Variants in KLHL7 observed in about 807,000 individuals in gnomAD.
KLHL7 encodes kelch-like protein 7.
Under a neutral mutation model 67.4 loss-of-function variants are expected in KLHL7, and 44 were observed. The ratio of observed to expected loss-of-function variants is 0.65; its 90% confidence interval spans 0.51 to 0.84. The LOEUF is 0.84. Ranked by LOEUF, KLHL7 falls within the 40% of genes least tolerant of loss-of-function variation. KLHL7 has a pLI of 0.00. For missense variants in KLHL7, 362 were observed against 718.1 expected (o/e 0.50, Z 5.67); for synonymous variants, 252 against 243.3 (o/e 1.04, Z -0.33).
intron 7 of KLHL7, among the ~76,000 whole-genome samples, chr7:23,159,732 T>C (rs1321305672): frequency 1.3e-5 from 2 of 152,208 alleles, no homozygotes; most frequent in Non-Finnish European, 2.9e-5. Flanking sequence ...GGTTTTACCA[T>C]GTTGCCCAGT....
At chr7:23,164,317 A>T (rs1007345555) in intron 7 of KLHL7, among the ~76,000 whole-genome samples, 2 of 152,216 alleles carry the variant, frequency 1.3e-5, no homozygotes, top group Non-Finnish European at 2.9e-5. Flanking sequence ...TGAAATTGTA[A>T]TTCTCTGCTA....
chr7:23,125,263 G>A (rs754441770), intron 4 of KLHL7, 91 bp downstream of exon 4: 177 of 1,327,084 alleles, frequency 1.3e-4, no homozygotes, highest in Non-Finnish European at 1.8e-4. Context: ...TTAAGTATCC[G>A]CATTTAACCT....
intron 5 of KLHL7, among the ~76,000 whole-genome samples, chr7:23,142,815 T>C (rs975882787): frequency 6.6e-6 from 1 of 152,072 alleles, no homozygotes; most frequent in Non-Finnish European, 1.5e-5. Flanking sequence ...GATTCTAAGG[T>C]TTAATGACTA....
At chr7:23,126,776 A>C (rs1406230771) in intron 4 of KLHL7, among the ~76,000 whole-genome samples, 1 of 152,224 alleles carries the variant, frequency 6.6e-6, no homozygotes, top group African/African-American at 2.4e-5. Context: ...AGGTGAAGGG[A>C]ATAAAAATGA....
At position 23,174,751 on chromosome 7, in the gene KLHL7, C is replaced by A. The variant is rs1477419908; in HGVS notation, c.*453C>A. 1 of 454,688 alleles carries A rather than the reference C, an allele frequency of 2.2e-6. No homozygotes were observed. The highest frequency in any genetic ancestry group is 2.0e-5 in the African/African-American group (1 of 50,006). 28.2% of individuals were successfully genotyped at this position (454,688 alleles called of 1,614,324 possible). A position where few individuals can be genotyped will look rare whatever the true frequency, so the allele number is the denominator to read the frequency against. On this transcript the variant is annotated 3_prime_UTR_variant, in exon 11 of 11. Coordinates refer to ENST00000339077, the MANE Select transcript of KLHL7 (RefSeq NM_001031710.3). ...GTCAAGATGGGCAACTCAGATGGAGCAGCTTAGTCTCACAGTTTGCTTGTC... is the reference window on the plus strand; with the variant it reads ...GTCAAGATGGGCAACTCAGATGGAGAAGCTTAGTCTCACAGTTTGCTTGTC...
At chr7:23,170,770 G>C (rs858265) in intron 9 of KLHL7, among the ~76,000 whole-genome samples, 7,581 of 152,160 alleles carry the variant, frequency 0.05, 233 homozygotes, top group South Asian at 0.083. Flanking sequence ...CATGTATTAT[G>C]TATCACATTT....
At chr7:23,139,554 A>C (rs1345349532) in intron 4 of KLHL7, among the ~76,000 whole-genome samples, 1 of 152,280 alleles carries the variant, frequency 6.6e-6, no homozygotes. Context: ...GGCATTGGTT[A>C]GTAAATTTTA....
intron 7 of KLHL7, among the ~76,000 whole-genome samples, chr7:23,155,839 A>G (rs901538502): frequency 2.6e-5 from 4 of 152,300 alleles, no homozygotes; most frequent in Non-Finnish European, 4.4e-5. Flanking sequence ...GTAGATGGCT[A>G]TTTTGATGTA....
intron 6 of KLHL7, among the ~76,000 whole-genome samples, chr7:23,151,744 C>G (rs1784543711): frequency 6.6e-6 from 1 of 152,126 alleles, no homozygotes; most frequent in Non-Finnish European, 1.5e-5. Flanking sequence ...TCAAGAACCA[C>G]TGGGTTAGGA....
intron 1 of KLHL7, among the ~76,000 whole-genome samples, chr7:23,112,690 T>C (rs11769544): frequency 6.0e-4 from 92 of 152,328 alleles, no homozygotes; most frequent in Non-Finnish European, 9.8e-4. Flanking sequence ...AAAATACTTA[T>C]AGTAGGACAT....
chr7:23,140,864 G>C lies in KLHL7; in HGVS notation c.538G>C (p.Asp180His). 1 of 1,614,036 alleles carries C rather than the reference G, an allele frequency of 6.2e-7. No individual in the cohort carries two copies. The highest frequency in any genetic ancestry group is 8.5e-7 in the Non-Finnish European group (1 of 1,179,964). ...GCACTTTACTGAAGTTTACAAAACTGATGAATTTCTTCAACTTGATGTCAA... is the reference window on the plus strand; with the variant it reads ...GCACTTTACTGAAGTTTACAAAACTCATGAATTTCTTCAACTTGATGTCAA... Reference protein sequence around the residue: ...HQHFTEVYKTDEFLQLDVKRV... With the variant: ...HQHFTEVYKTHEFLQLDVKRV... The change falls in exon 5 of 11, where the codon GAT becomes CAT. Residue 180 changes from aspartate (D) to histidine (H), a missense_variant. Around this residue, in one of 5 missense-constraint regions of KLHL7, gnomAD observed 155 missense variants for 280.8 expected, o/e 0.55. Transcript: ENST00000339077.
chr7:23,124,452 T>C (rs1264846824), intron 2 of KLHL7, among the ~76,000 whole-genome samples: 2 of 152,192 alleles, frequency 1.3e-5, no homozygotes, highest in East Asian at 1.9e-4. Flanking sequence ...TCTGTTAATA[T>C]GGTCTTAAAA....
At chr7:23,138,461 T>TAAA (rs60497553) in intron 4 of KLHL7, among the ~76,000 whole-genome samples, 11 of 63,092 alleles carry the variant, frequency 1.7e-4, no homozygotes, top group East Asian at 4.5e-4. Context: ...GACTCCATCT[T>TAAA]AAAAAAAAAA....
intron 8 of KLHL7, among the ~76,000 whole-genome samples, chr7:23,167,515 A>C (rs1488771912): frequency 6.6e-6 from 1 of 152,204 alleles, no homozygotes; most frequent in East Asian, 1.9e-4. Flanking sequence ...AATTCCCGTC[A>C]TGCATAATGG....
chr7:23,123,925 T>A lies in KLHL7; in HGVS notation c.223+46T>A, dbSNP rs779637471. The A allele has an allele frequency of 4.7e-6, 6 of 1,284,568 alleles. No homozygotes were observed. The Admixed American group carries it at 5.1e-5, about 11-fold the overall frequency. 79.6% of individuals were successfully genotyped at this position (1,284,568 alleles called of 1,614,324 possible). The stretch of plus-strand genomic sequence containing the variant: ...CATGCCATTATTTCTTCTATGAGAA[T>A]GAAGTAAAATCTAAAAGAGAATATG... On this transcript the variant is annotated intron_variant, in intron 2 of 10. Coordinates refer to ENST00000339077, the MANE Select transcript of KLHL7 (RefSeq NM_001031710.3).
Position 23,174,084 on chromosome 7 carries a change from G to A in KLHL7, c.1547G>A (p.Trp516Ter). The A allele has an allele frequency of 6.2e-7, 1 of 1,614,172 alleles. No homozygotes were observed. Among genetic ancestry groups the A allele is most frequent in the Non-Finnish European group, 8.5e-7 (1 of 1,179,996 alleles). The stretch of plus-strand genomic sequence containing the variant: ...TGGAAGATGGTCTCACCAATGCCAT[G>A]GAAGGGTGTAACAGTGAAATGTGCA... ...NEWKMVSPMP[W>*]KGVTVKCAAV... The change falls in exon 11 of 11, where the codon TGG becomes TAG. Residue 516 changes from tryptophan to a stop codon, truncating the protein, a stop_gained. Transcript: ENST00000339077. LOFTEE classifies it high-confidence loss of function.
chr7:23,118,664 G>C (rs1475028597), intron 1 of KLHL7, among the ~76,000 whole-genome samples: 1 of 152,194 alleles, frequency 6.6e-6, no homozygotes, highest in Non-Finnish European at 1.5e-5. Flanking sequence ...TACATTATGA[G>C]TGAGGAATCT....
Position 23,175,033 on chromosome 7 carries a change from C to A in KLHL7, c.*735C>A, listed in dbSNP as rs1260682937. On this transcript the variant is annotated 3_prime_UTR_variant, in exon 11 of 11. Transcript: ENST00000339077. ...AAGGATTCTGCCTCTTTAGTCCTCACTGTTAAATAAAACCCAATCATAGTA... is the reference window on the plus strand; with the variant it reads ...AAGGATTCTGCCTCTTTAGTCCTCAATGTTAAATAAAACCCAATCATAGTA... 2.2e-6 allele frequency: 1 copy of A among 452,726 alleles called. No individual in the cohort carries two copies. Among genetic ancestry groups the A allele is most frequent in the East Asian group, 6.9e-5 (1 of 14,398 alleles). 28.0% of individuals were successfully genotyped at this position (452,726 alleles called of 1,614,324 possible). A position where few individuals can be genotyped will look rare whatever the true frequency, so the allele number is the denominator to read the frequency against.
Position 23,106,111 on chromosome 7 carries a change from G to T in KLHL7, c.85G>T (p.Gly29Cys). The T allele has an allele frequency of 6.2e-7, 1 of 1,610,136 alleles. No homozygotes were observed. Among genetic ancestry groups the T allele is most frequent in the Non-Finnish European group, 8.5e-7 (1 of 1,178,476 alleles). Residue 29 changes from glycine (G) to cysteine (C), a missense_variant, in exon 1 of 11, where the codon GGT (glycine) becomes TGT (cysteine). Around this residue, in one of 5 missense-constraint regions of KLHL7, gnomAD observed 57 missense variants for 81.7 expected, o/e 0.70. Coordinates refer to ENST00000339077, the MANE Select transcript of KLHL7 (RefSeq NM_001031710.3). ...AAREEAKLLAGFMGVMNNMRK... is the reference protein window; with the variant it reads ...AAREEAKLLACFMGVMNNMRK... The stretch of plus-strand genomic sequence containing the variant: ...TCGGGAAGAAGCTAAATTGTTGGCG[G>T]GTTTCATGGGCGTCATGAATAACAT...
Sources: allele counts gnomAD v4.1 joint callset (sites outside exome capture counted in the v4.1 genomes callset), GRCh38; gene constraint gnomAD v4.1.1; regional missense constraint gnomAD v4.1.1; transcripts MANE v1.5; gene names NCBI Gene and HGNC (gene_info 2026-07-23, HGNC 2026-07-21).